FTO: variants seen among roughly 807,000 people sequenced by gnomAD.
FTO encodes the protein alpha-ketoglutarate-dependent dioxygenase FTO.
In FTO, 47 loss-of-function variants were observed where a neutral mutation model predicts 63.9. The observed-to-expected ratio is 0.74, with a 90% confidence interval of 0.58 to 0.94. FTO has a LOEUF of 0.94. FTO is among the 40% of genes least tolerant of loss of function. The pLI, the probability that FTO is intolerant of heterozygous loss-of-function variation, is 0.00. For synonymous variants in FTO, 207 were observed against 224.4 expected (o/e 0.92, Z 0.69); for missense variants, 562 against 618.1 (o/e 0.91, Z 0.96).
chr16:53,794,848 C>A (rs2151697606), intron 1 of FTO, among the ~76,000 whole-genome samples: 1 of 152,112 alleles, frequency 6.6e-6, no homozygotes, highest in Non-Finnish European at 1.5e-5. Flanking sequence ...GTAAGAGAAG[C>A]AAAGAAGAAA....
At chr16:53,792,169 T>C (rs2077940766) in intron 1 of FTO, among the ~76,000 whole-genome samples, 1 of 152,096 alleles carries the variant, frequency 6.6e-6, no homozygotes, top group Non-Finnish European at 1.5e-5. Context: ...CAAAGAGAAA[T>C]ACCTATTTTG....
At chr16:53,801,643 G>A (rs556483144) in intron 1 of FTO, among the ~76,000 whole-genome samples, 8 of 149,996 alleles carry the variant, frequency 5.3e-5, no homozygotes, top group Non-Finnish European at 8.9e-5. Context: ...GCTTTTGTGT[G>A]TCTGAAAAAA....
chr16:53,911,405 G>A lies in FTO; in HGVS notation c.1239+22454G>A, dbSNP rs144100465. 1,988 of 703,220 alleles carry A rather than the reference G, an allele frequency of 2.8e-3. 5 individuals are homozygous for A. The highest frequency in any genetic ancestry group is 4.0e-3 in the Non-Finnish European group (1,551 of 385,010). The allele number at this position is 703,220 out of a possible 1,614,324, so 43.6% of individuals were successfully genotyped here. A position where few individuals can be genotyped will look rare whatever the true frequency, so the allele number is the denominator to read the frequency against. ...ATGGAGTGGAGGAAAGTCAGCGAATGTAATAGTGTCGAACCCTGCAGGGAA... is the reference window on the plus strand; with the variant it reads ...ATGGAGTGGAGGAAAGTCAGCGAATATAATAGTGTCGAACCCTGCAGGGAA... On this transcript the variant is annotated intron_variant, in intron 7 of 8. Coordinates refer to ENST00000471389, the MANE Select transcript of FTO (RefSeq NM_001080432.3).
At chr16:53,720,659 T>TTATATATATATATATA (rs1291774330) in intron 1 of FTO, among the ~76,000 whole-genome samples, 4 of 145,650 alleles carry the variant, frequency 2.7e-5, no homozygotes, top group African/African-American at 9.9e-5. Context: ...TATATATCTT[T>TTATATATATATATATA]TATATATATA....
chr16:53,757,368 T>C (rs1299732337), intron 1 of FTO, among the ~76,000 whole-genome samples: 1 of 152,128 alleles, frequency 6.6e-6, no homozygotes, highest in Non-Finnish European at 1.5e-5. Context: ...TTAACAATCA[T>C]TTGAACATGT....
In FTO at chr16:54,121,613, A is replaced by G. The variant is rs576045239; in HGVS notation, c.*9698A>G. ...ATCTTTTCTCCGCTAGAACTGCTCAACAGGTGAAGAATCTTTTTCCAGCAC... is the reference window on the plus strand; with the variant it reads ...ATCTTTTCTCCGCTAGAACTGCTCAGCAGGTGAAGAATCTTTTTCCAGCAC... On this transcript the variant is annotated 3_prime_UTR_variant, in exon 9 of 9. Coordinates refer to ENST00000471389, the MANE Select transcript of FTO (RefSeq NM_001080432.3). 5 of 152,356 alleles carry G rather than the reference A, an allele frequency of 3.3e-5. No individual in the cohort carries two copies. Among genetic ancestry groups the G allele is most frequent in the Non-Finnish European group, 5.9e-5 (4 of 68,052 alleles). The allele number at this position is 152,356 out of a possible 1,614,324, so 9.4% of individuals were successfully genotyped here. A position where few individuals can be genotyped will look rare whatever the true frequency, so the allele number is the denominator to read the frequency against.
intron 8 of FTO, among the ~76,000 whole-genome samples, chr16:53,945,166 TG>T (rs2082625805): frequency 2.6e-5 from 4 of 152,134 alleles, no homozygotes; most frequent in Admixed American, 1.3e-4. Context: ...TCACAAGGAG[TG>T]GCTCCATACG....
chr16:53,887,583 CT>C lies in FTO; in HGVS notation c.1120-1248del, dbSNP rs1598912730. Reference sequence around the variant, plus strand: ...TATTTCTGATCTGAAAATCTGAAATCTGAGGTGCTCCAATATTCAAGGCTTT... The same window carrying C: ...TATTTCTGATCTGAAAATCTGAAATCGAGGTGCTCCAATATTCAAGGCTTT... On this transcript the variant is annotated intron_variant, in intron 6 of 8. Transcript: ENST00000471389. 2.6e-5 allele frequency among the ~76,000 whole-genome samples: 4 copies of C among 152,330 alleles called. No homozygotes were observed. In the East Asian group the frequency reaches 7.7e-4, roughly 29 times the overall value.
intron 4 of FTO, among the ~76,000 whole-genome samples, chr16:53,846,307 C>A (rs2079619044): frequency 6.6e-6 from 1 of 152,120 alleles, no homozygotes; most frequent in Non-Finnish European, 1.5e-5. Context: ...CATTGAGTGT[C>A]ATTTGTAGGT....
At chr16:53,720,526 G>A (rs140789263) in intron 1 of FTO, among the ~76,000 whole-genome samples, 30 of 150,906 alleles carry the variant, frequency 2.0e-4, no homozygotes, top group Admixed American at 1.4e-3. Context: ...GATACATATC[G>A]TGTATAGTGA....
intron 2 of FTO, among the ~76,000 whole-genome samples, chr16:53,819,481 T>G (rs1233694036): frequency 6.6e-6 from 1 of 152,112 alleles, no homozygotes; most frequent in Admixed American, 6.5e-5. Context: ...CAGTTAATTT[T>G]TTTATGTGCT....
chr16:53,867,484 A>G (rs1410274708), intron 4 of FTO, among the ~76,000 whole-genome samples: 1 of 146,094 alleles, frequency 6.8e-6, no homozygotes, highest in South Asian at 2.3e-4. Flanking sequence ...TCAATTATGT[A>G]CGCCACATAT....
At chr16:54,085,361 C>G (rs1397190504) in intron 8 of FTO, among the ~76,000 whole-genome samples, 1 of 152,172 alleles carries the variant, frequency 6.6e-6, no homozygotes, top group Non-Finnish European at 1.5e-5. Flanking sequence ...AACACTTTGT[C>G]TTCTGCATTG....
At chr16:54,049,754 G>A (rs1341892822) in intron 8 of FTO, among the ~76,000 whole-genome samples, 1 of 152,224 alleles carries the variant, frequency 6.6e-6, no homozygotes, top group Non-Finnish European at 1.5e-5. Flanking sequence ...AGGGAGGGCA[G>A]TCAGAAGGTG....
chr16:53,889,831 GTAATAA>G (rs57060021), intron 7 of FTO, among the ~76,000 whole-genome samples: 1 of 151,630 alleles, frequency 6.6e-6, no homozygotes, highest in African/African-American at 2.4e-5. Flanking sequence ...TTAAATAATA[GTAATAA>G]TAATAATAAT....
At chr16:53,820,011 C>CT (rs35719505) in intron 2 of FTO, among the ~76,000 whole-genome samples, 32,231 of 138,778 alleles carry the variant, frequency 0.23, 4,429 homozygotes, top group Non-Finnish European at 0.32. Context: ...TCTTCTTCTT[C>CT]TTTTTTTTTT....
rs55982417 is a variant in FTO, at chr16:53,846,801, C to CA, written c.895+2524dup. 2.8e-3 allele frequency among the ~76,000 whole-genome samples: 296 copies of CA among 106,546 alleles called. 1 individual carries two copies. Among genetic ancestry groups the CA allele is most frequent in the East Asian group, 4.6e-3 (17 of 3,712 alleles). The allele number at this position is 106,546 out of a possible 152,430, so 69.9% of individuals were successfully genotyped here. On this transcript the variant is annotated intron_variant, in intron 4 of 8. Coordinates refer to ENST00000471389, the MANE Select transcript of FTO (RefSeq NM_001080432.3). ...TGAGCAACAGAGCAAGACTCAGTCT[C>CA]AAAAAAAAAAAAAAAAAAAAAGTAA...
intron 1 of FTO, among the ~76,000 whole-genome samples, chr16:53,778,193 A>C (rs1019180306): frequency 6.6e-6 from 1 of 152,168 alleles, no homozygotes; most frequent in Non-Finnish European, 1.5e-5. Context: ...TTTGAGGTCT[A>C]TTAAAACAGC....
intron 7 of FTO, among the ~76,000 whole-genome samples, chr16:53,926,556 G>A (rs1424817569): frequency 6.6e-6 from 1 of 152,226 alleles, no homozygotes; most frequent in African/African-American, 2.4e-5. Flanking sequence ...AAGTGCAATG[G>A]AGTACGACAT....
Sources: allele counts gnomAD v4.1 joint callset (sites outside exome capture counted in the v4.1 genomes callset), GRCh38; gene constraint gnomAD v4.1.1; transcripts MANE v1.5; gene names NCBI Gene and HGNC (gene_info 2026-07-23, HGNC 2026-07-21).